The following APC variants were observed in gnomAD, a reference collection of about 807,000 sequenced individuals.
APC encodes the protein APC regulator of Wnt signaling pathway.
A neutral mutation model predicts 247.0 loss-of-function variants in APC; 72 were observed. The ratio of observed to expected loss-of-function variants is 0.29; its 90% confidence interval spans 0.24 to 0.35. The LOEUF (loss-of-function observed/expected upper bound fraction) is 0.35, where lower values mean the gene tolerates loss of function less well. Ranked by LOEUF, APC falls within the 10% of genes least tolerant of loss-of-function variation. The pLI is 1.00. For missense variants in APC, 3,400 were observed against 3,360.7 expected, an observed-to-expected ratio of 1.01 and a Z score of -0.29; for synonymous variants, 1,254 against 1,162.5, an observed-to-expected ratio of 1.08 and a Z score of -1.60.
Position 112,827,970 on chromosome 5 carries a change from G to A in APC, c.1590G>A (p.Val530=), listed in dbSNP as rs745638739. The stretch of plus-strand genomic sequence containing the variant: ...TGAAAGGCTGCATGAGAGCACTTGT[G>A]GCCCAACTAAAATCTGAAAGTGAAG... ...CSMKGCMRAL[V]AQLKSESEDL... is the part of the protein sequence containing the mutation. Residue 530 remains valine (V), a synonymous_variant, in exon 13 of 16, where the codon GTG becomes GTA. Coordinates refer to ENST00000257430, the MANE Select transcript of APC (RefSeq NM_000038.6). The A allele has an allele frequency of 1.2e-6, 2 of 1,613,174 alleles. No individual in the cohort carries two copies. Among genetic ancestry groups the A allele is most frequent in the South Asian group, 2.2e-5 (2 of 91,034 alleles).
rs1017485456 is a variant in APC, at chr5:112,845,685, A to G, written c.*1559A>G. On this transcript the variant is annotated 3_prime_UTR_variant, in exon 16 of 16. Transcript: ENST00000257430. ...TGGGGTACATGTTAAGTGTCCCCTT[A>G]TACAGTGGAGGGAAGTCTTCCTTCC... 2 of 231,956 alleles carry G rather than the reference A, an allele frequency of 8.6e-6. No homozygotes were observed. Among genetic ancestry groups the G allele is most frequent in the African/African-American group, 4.4e-5 (2 of 45,276 alleles). 14.4% of individuals were successfully genotyped at this position (231,956 alleles called of 1,614,324 possible).
intron 2 of APC, among the ~76,000 whole-genome samples, chr5:112,757,682 G>A (rs1051549960): frequency 6.6e-6 from 1 of 152,118 alleles, no homozygotes; most frequent in African/African-American, 2.4e-5. Flanking sequence ...GACCTGGTCT[G>A]TCTGAAAAAC....
intron 7 of APC, 116 bp from the exon 8 acceptor site, chr5:112,801,163 T>C (rs1003760107): frequency 2.6e-5 from 19 of 718,176 alleles, no homozygotes; most frequent in African/African-American, 2.0e-4. Context: ...TCCATGCCTT[T>C]ATCAGTCTGT....
intron 1 of APC, among the ~76,000 whole-genome samples, chr5:112,747,089 A>C (rs530522523): frequency 6.6e-6 from 1 of 152,188 alleles, no homozygotes; most frequent in Non-Finnish European, 1.5e-5. Context: ...CCAGCCTTCC[A>C]AAGTGCTTGG....
intron 7 of APC, among the ~76,000 whole-genome samples, chr5:112,795,701 G>C (rs984667497): frequency 6.6e-6 from 1 of 152,182 alleles, no homozygotes; most frequent in Non-Finnish European, 1.5e-5. Context: ...TGTTAAATTT[G>C]AGAGTGGAAT....
chr5:112,836,850 A>C (rs757247227), intron 15 of APC, among the ~76,000 whole-genome samples: 2 of 151,698 alleles, frequency 1.3e-5, no homozygotes, highest in African/African-American at 4.8e-5. Context: ...ACAGGCATGC[A>C]CTACCATGCC....
chr5:112,774,649 A>G (rs1757408246), intron 4 of APC, among the ~76,000 whole-genome samples: 1 of 151,210 alleles, frequency 6.6e-6, no homozygotes, highest in Admixed American at 6.6e-5. Context: ...TTTTGTAGAG[A>G]TGGGATTTTG....
At chr5:112,836,463 C>T (rs1046241014) in intron 15 of APC, among the ~76,000 whole-genome samples, 4 of 152,026 alleles carry the variant, frequency 2.6e-5, no homozygotes, top group Admixed American at 6.6e-5. Context: ...TAAGAGAAGA[C>T]GACCATGTTA....
At chr5:112,824,191 C>T (rs1763420930) in intron 11 of APC, among the ~76,000 whole-genome samples, 2 of 152,084 alleles carry the variant, frequency 1.3e-5, no homozygotes, top group Admixed American at 1.3e-4. Flanking sequence ...CTATTTAGAC[C>T]ACTGTTTTCT....
chr5:112,809,668 A>G (rs1162969677), intron 8 of APC, among the ~76,000 whole-genome samples: 1 of 151,694 alleles, frequency 6.6e-6, no homozygotes, highest in South Asian at 2.1e-4. Context: ...TTCCTACTAT[A>G]TTATATTGGA....
intron 13 of APC, among the ~76,000 whole-genome samples, 176 bp from the exon 14 acceptor site, chr5:112,828,680 C>G (rs142691612): frequency 6.6e-6 from 1 of 152,226 alleles, no homozygotes; most frequent in East Asian, 1.9e-4. Flanking sequence ...AACTCCTGGT[C>G]TCAGGAGATC....
intron 10 of APC, 85 bp downstream of exon 10, chr5:112,819,429 C>A (rs1282106713): frequency 1.3e-6 from 2 of 1,540,406 alleles, no homozygotes; most frequent in Non-Finnish European, 1.8e-6. Flanking sequence ...AGTTAATATG[C>A]TGTCTTTATG....
At chr5:112,761,979 A>T (rs1017455021) in intron 2 of APC, among the ~76,000 whole-genome samples, 1 of 152,246 alleles carries the variant, frequency 6.6e-6, no homozygotes, top group East Asian at 1.9e-4. Context: ...TGCAATACAT[A>T]TATCTGACCA....
In APC at chr5:112,739,025, C is replaced by G. The variant is rs1974786; in HGVS notation, c.-19+1100C>G. On this transcript the variant is annotated intron_variant, in intron 1 of 15. Transcript: ENST00000257430. ...TTACTTTGTCAAAAATTATGGTGAA[C>G]AAATTTTTGTAGGCCTAATATTTAA... is the stretch of plus-strand genomic sequence containing the variant. 0.4 allele frequency among the ~76,000 whole-genome samples: 60,982 copies of G among 151,992 alleles called. 14,744 individuals are homozygous for G. The highest frequency in any genetic ancestry group is 0.67 in the East Asian group (3,455 of 5,178).
At chr5:112,772,244 A>G (rs762783531) in intron 4 of APC, among the ~76,000 whole-genome samples, 1 of 152,176 alleles carries the variant, frequency 6.6e-6, no homozygotes, top group Non-Finnish European at 1.5e-5. Context: ...ACTAAACCCT[A>G]ATGACTCTGC....
chr5:112,721,698 G>A (rs1751492660), intron 1 of APC, among the ~76,000 whole-genome samples: 1 of 152,142 alleles, frequency 6.6e-6, no homozygotes, highest in Non-Finnish European at 1.5e-5. Context: ...AAGATCTTGG[G>A]TGTTTAAGAA....
At chr5:112,810,935 G>C (rs773161718) in intron 8 of APC, among the ~76,000 whole-genome samples, 7 of 152,268 alleles carry the variant, frequency 4.6e-5, no homozygotes, top group Admixed American at 1.3e-4. Flanking sequence ...TGAAGCAGGA[G>C]AATCACTTGA....
chr5:112,750,023 C>G (rs150513729), intron 1 of APC, among the ~76,000 whole-genome samples: 43 of 138,228 alleles, frequency 3.1e-4, no homozygotes, highest in Middle Eastern at 9.3e-3. Context: ...AGTGCAGTGG[C>G]GCGATCTCGG....
chr5:112,737,381 T>C (rs1752462669), upstream of APC, among the ~76,000 whole-genome samples: 2 of 152,254 alleles, frequency 1.3e-5, no homozygotes, highest in Admixed American at 6.5e-5. Flanking sequence ...TTCTGGTAAC[T>C]ATTTTTAATT....
Sources: allele counts gnomAD v4.1 joint callset (sites outside exome capture counted in the v4.1 genomes callset), GRCh38; gene constraint gnomAD v4.1.1; transcripts MANE v1.5; gene names NCBI Gene and HGNC (gene_info 2026-07-23, HGNC 2026-07-21).